The following ANKIB1 variants were observed in gnomAD, a reference collection of about 807,000 sequenced individuals.
ANKIB1 encodes the protein ankyrin repeat and IBR domain containing 1, also known as ankyrin repeat and IBR domain-containing protein 1.
In ANKIB1, 43 loss-of-function variants were observed where a neutral mutation model predicts 122.1. The observed-to-expected ratio is 0.35, with a 90% CI of 0.28 to 0.45. The LOEUF (loss-of-function observed/expected upper bound fraction) is 0.45, where lower values mean the gene tolerates loss of function less well. Among genes scored for constraint, ANKIB1 ranks in the 20% least tolerant of loss-of-function variants. The pLI, the probability that ANKIB1 is intolerant of heterozygous loss-of-function variation, is 1.00. For missense variants in ANKIB1, 992 were observed against 1,329.5 expected, an observed-to-expected ratio of 0.75 and a Z score of 3.95; for synonymous variants, 390 against 442.0, an observed-to-expected ratio of 0.88 and a Z score of 1.48.
intron 1 of ANKIB1, among the ~76,000 whole-genome samples, chr7:92,287,551 G>A (rs1802157029): frequency 6.6e-6 from 1 of 152,134 alleles, no homozygotes; most frequent in African/African-American, 2.4e-5. Flanking sequence ...CCTGGTCAGA[G>A]TATTAATCTC....
chr7:92,337,903 CTAAAT>C (rs1404145571), intron 5 of ANKIB1, among the ~76,000 whole-genome samples: 2 of 151,916 alleles, frequency 1.3e-5, no homozygotes, highest in Non-Finnish European at 2.9e-5. Context: ...ATTTTTCTGA[CTAAAT>C]TATGCGTGAG....
rs781046938 is a variant in ANKIB1, at chr7:92,398,342, T to C, written c.2663T>C (p.Ile888Thr). ...FLSNEASLGA[I>T]GTSLPSRLDS... is the part of the protein sequence containing the mutation. Reference sequence around the variant, plus strand: ...AGTAATGAAGCATCCTTAGGTGCGATAGGCACTTCTTTACCTTCCAGGCTG... The same window carrying C: ...AGTAATGAAGCATCCTTAGGTGCGACAGGCACTTCTTTACCTTCCAGGCTG... Residue 888 changes from isoleucine (I) to threonine (T), a missense_variant, in exon 20 of 20, where the codon ATA (isoleucine) becomes ACA (threonine). Coordinates refer to ENST00000265742, the MANE Select transcript of ANKIB1 (RefSeq NM_019004.2). The C allele has an allele frequency of 2.5e-6, 4 of 1,613,568 alleles. No homozygotes were observed. The highest frequency in any genetic ancestry group is 1.7e-4 in the Middle Eastern group (1 of 6,058).
chr7:92,307,724 GTTT>G, intron 3 of ANKIB1, 68 bp downstream of exon 3: 29 of 935,450 alleles, frequency 3.1e-5, no homozygotes, highest in South Asian at 8.0e-5. Context: ...TAACTGTCAG[GTTT>G]TTTTTTTTTT....
At chr7:92,334,273 T>A (rs1234265946) in intron 5 of ANKIB1, among the ~76,000 whole-genome samples, 25 of 152,150 alleles carry the variant, frequency 1.6e-4, no homozygotes, top group Non-Finnish European at 8.8e-5. Context: ...CTCAGTTAAA[T>A]AAGTAACATA....
intron 1 of ANKIB1, among the ~76,000 whole-genome samples, chr7:92,257,053 G>T (rs1472251564): frequency 6.6e-6 from 1 of 152,084 alleles, no homozygotes; most frequent in Non-Finnish European, 1.5e-5. Flanking sequence ...AGCTGGGCAT[G>T]GTGGTGCGTG....
intron 11 of ANKIB1, among the ~76,000 whole-genome samples, chr7:92,376,584 G>A (rs1804388370): frequency 1.3e-5 from 2 of 151,866 alleles, no homozygotes; most frequent in African/African-American, 4.8e-5. Flanking sequence ...GAGTAGCTAG[G>A]ATTACAGGCG....
chr7:92,388,557 C>A (rs1197278128), intron 14 of ANKIB1, among the ~76,000 whole-genome samples: 1 of 152,082 alleles, frequency 6.6e-6, no homozygotes, highest in Non-Finnish European at 1.5e-5. Flanking sequence ...ACGTATAGGT[C>A]CTAAATTATA....
intron 2 of ANKIB1, 122 bp downstream of exon 2, chr7:92,295,288 T>C (rs1318313395): frequency 1.8e-6 from 1 of 568,124 alleles, no homozygotes; most frequent in African/African-American, 1.9e-5. Context: ...ATGATATATA[T>C]ACAAACATGT....
In ANKIB1 at chr7:92,389,952, T is replaced by A. The variant is rs1804750997; in HGVS notation, c.1907-19T>A. On this transcript the variant is annotated intron_variant, in intron 14 of 19. Transcript: ENST00000265742. ...CATATTTGCAAAAACAAATTCACTG[T>A]GCCTCAATTACTTTTTAGCTGAAGG... The A allele has an allele frequency of 4.5e-6, 7 of 1,572,052 alleles. No individual in the cohort carries two copies. In the Admixed American group the frequency reaches 6.1e-5, roughly 14 times the overall value.
At chr7:92,300,246 C>T (rs1009888965) in intron 2 of ANKIB1, among the ~76,000 whole-genome samples, 9 of 152,192 alleles carry the variant, frequency 5.9e-5, no homozygotes, top group East Asian at 1.9e-4. Context: ...ATTTAAAGAC[C>T]TACAGGAAAT....
chr7:92,296,784 G>T (rs998448407), intron 2 of ANKIB1, among the ~76,000 whole-genome samples: 3 of 151,920 alleles, frequency 2.0e-5, no homozygotes, highest in Admixed American at 6.6e-5. Context: ...ATTACACAAA[G>T]AAATATTTTT....
rs548456561 is a variant in ANKIB1, at chr7:92,333,496, C to T, written c.787+5596C>T. On this transcript the variant is annotated intron_variant, in intron 5 of 19. Transcript: ENST00000265742. ...CTCATCTTTAGATGTCCACTCCATG[C>T]CATTTCCCTAGGGATGCCCTCTCTG... Among the ~76,000 whole-genome samples, 5 of 152,298 alleles carry T rather than the reference C, an allele frequency of 3.3e-5. No homozygotes were observed. The South Asian group carries it at 1.0e-3, about 32-fold the overall frequency.
intron 3 of ANKIB1, among the ~76,000 whole-genome samples, chr7:92,314,818 G>A (rs1802760038): frequency 6.6e-6 from 1 of 152,192 alleles, no homozygotes; most frequent in African/African-American, 2.4e-5. Flanking sequence ...ACATTGGTAA[G>A]TTGAGTACCA....
rs537421956 is a variant in ANKIB1 at position 92,319,790 on chromosome 7, C to T, written c.669+278C>T. 7 of 316,042 alleles carry T rather than the reference C, an allele frequency of 2.2e-5. No homozygotes were observed. In the East Asian group the frequency reaches 3.3e-4, roughly 15 times the overall value. 19.6% of individuals were successfully genotyped at this position (316,042 alleles called of 1,614,324 possible). Reference sequence around the variant, plus strand: ...ATCTACAAAAAATTTTAAAAATTTGCCAGGAATGGTGGCCCACACTCATTG... The same window carrying T: ...ATCTACAAAAAATTTTAAAAATTTGTCAGGAATGGTGGCCCACACTCATTG... On this transcript the variant is annotated intron_variant, in intron 4 of 19. Transcript: ENST00000265742.
chr7:92,295,144 C>T lies in ANKIB1; in HGVS notation c.166C>T (p.His56Tyr). 3 of 1,554,380 alleles carry T rather than the reference C, an allele frequency of 1.9e-6. No individual in the cohort carries two copies. Among genetic ancestry groups the T allele is most frequent in the African/African-American group, 1.4e-5 (1 of 73,370 alleles). The change falls in exon 2 of 20, where the codon CAT (histidine) becomes TAT (tyrosine). Residue 56 changes from histidine (H) to tyrosine (Y), a missense_variant. Around this residue, in one of 4 missense-constraint regions of ANKIB1, gnomAD observed 54 missense variants for 112.3 expected, o/e 0.48. Coordinates refer to ENST00000265742, the MANE Select transcript of ANKIB1 (RefSeq NM_019004.2). ...TACTCCATTACATTATGCTGCTAGA[C>T]ATGGAATGAATAAAATATTAGGGTA... is the stretch of plus-strand genomic sequence containing the variant. ...HNTPLHYAAR[H>Y]GMNKILGTFL...
At chr7:92,344,727 C>A (rs1803505050) in intron 6 of ANKIB1, among the ~76,000 whole-genome samples, 1 of 152,082 alleles carries the variant, frequency 6.6e-6, no homozygotes, top group Admixed American at 6.5e-5. Context: ...CTGATTAATA[C>A]ATAAATTTGG....
intron 9 of ANKIB1, among the ~76,000 whole-genome samples, chr7:92,360,498 A>T (rs549047570): frequency 2.0e-5 from 3 of 152,130 alleles, no homozygotes; most frequent in Non-Finnish European, 2.9e-5. Context: ...TCATCTGTTG[A>T]TAGACACTTG....
chr7:92,264,687 C>T (rs1801634659), intron 1 of ANKIB1, among the ~76,000 whole-genome samples: 1 of 152,014 alleles, frequency 6.6e-6, no homozygotes, highest in Non-Finnish European at 1.5e-5. Context: ...GCTGGGATTA[C>T]AGGCATAAGC....
chr7:92,296,348 A>G (rs1312494084), intron 2 of ANKIB1, among the ~76,000 whole-genome samples: 1 of 151,978 alleles, frequency 6.6e-6, no homozygotes, highest in Non-Finnish European at 1.5e-5. Flanking sequence ...TCAGCTTCCC[A>G]AGTAGCTAGG....
Sources: gnomAD v4.1 joint callset for allele counts (sites outside exome capture counted in the v4.1 genomes callset) on GRCh38, gnomAD v4.1.1 for gene constraint, gnomAD v4.1.1 regional missense constraint, MANE v1.5 for transcripts, NCBI Gene and HGNC (gene_info 2026-07-23, HGNC 2026-07-21) for gene names.